The following COL16A1 variants were observed in gnomAD, a reference collection of about 807,000 sequenced individuals.
COL16A1 encodes collagen alpha-1(XVI) chain.
Under a neutral mutation model 266.3 loss-of-function variants are expected in COL16A1, and 189 were observed. The observed-to-expected ratio is 0.71, with a 90% CI of 0.63 to 0.80. The LOEUF (loss-of-function observed/expected upper bound fraction) is 0.80. Ranked by LOEUF, COL16A1 falls within the 30% of genes least tolerant of loss-of-function variation. The probability of loss-of-function intolerance (pLI) is 0.00; values close to 1 mark genes in which losing one functional copy is unlikely to be tolerated. For synonymous variants in COL16A1, 740 were observed against 782.3 expected (o/e 0.95, Z 0.90); for missense variants, 1,928 against 2,122.4 (o/e 0.91, Z 1.80).
intron 42 of COL16A1, among the ~76,000 whole-genome samples, chr1:31,675,748 C>A (rs1051177842): frequency 6.6e-6 from 1 of 152,106 alleles, no homozygotes; most frequent in Non-Finnish European, 1.5e-5. Flanking sequence ...ACTGTAGCCT[C>A]AAACTCAGCT....
At chr1:31,690,852 A>G (rs1644230732) in intron 20 of COL16A1, among the ~76,000 whole-genome samples, 1 of 152,212 alleles carries the variant, frequency 6.6e-6, no homozygotes. Context: ...TCACAGACAG[A>G]AATTTCCAGA....
At position 31,675,048 on chromosome 1, in the gene COL16A1, G is replaced by A; in HGVS notation, c.2827-9C>T. 1 of 1,613,348 alleles carries A rather than the reference G, an allele frequency of 6.2e-7. No individual in the cohort carries two copies. Among genetic ancestry groups the A allele is most frequent in the Middle Eastern group, 1.6e-4 (1 of 6,062 alleles). Reference sequence around the variant, plus strand: ...TCAATTGGTAAGGATCCCTGCAAGAGACAGATGTGTGGGCTCAAGCAGGTG... The same window carrying A: ...TCAATTGGTAAGGATCCCTGCAAGAAACAGATGTGTGGGCTCAAGCAGGTG... On this transcript the variant is annotated splice_polypyrimidine_tract_variant and intron_variant, in intron 43 of 70. Coordinates refer to ENST00000373672, the MANE Select transcript of COL16A1 (RefSeq NM_001856.4).
chr1:31,698,435 G>T lies in COL16A1; in HGVS notation c.390+48C>A. 2 of 1,611,116 alleles carry T rather than the reference G, an allele frequency of 1.2e-6. No individual in the cohort carries two copies. The highest frequency in any genetic ancestry group is 1.7e-6 in the Non-Finnish European group (2 of 1,178,338). On this transcript the variant is annotated intron_variant, in intron 5 of 70. Transcript: ENST00000373672. This position sits in a 1 kb window ranked among gnomAD's most constrained non-coding sequence, Gnocchi z 4.1. ...CCGGGATGAAAGGTGGGCTGGACTG[G>T]TGCTACCCAATGCCCTAAGAGGCAA... is the stretch of plus-strand genomic sequence containing the variant.
chr1:31,661,893 T>G, intron 58 of COL16A1, 189 bp from the exon 59 acceptor site: 1 of 656,394 alleles, frequency 1.5e-6, no homozygotes, highest in Admixed American at 3.1e-5. Flanking sequence ...GGCCTTAGCT[T>G]TCCTTCTTTG....
chr1:31,671,317 G>A (rs554684615), intron 48 of COL16A1, among the ~76,000 whole-genome samples: 60 of 152,332 alleles, frequency 3.9e-4, no homozygotes, highest in African/African-American at 1.4e-3. Flanking sequence ...TGCCGAGGGC[G>A]GCCTGGGGCC....
intron 64 of COL16A1, 36 bp downstream of exon 64, chr1:31,658,452 T>G (rs777970305): frequency 1.9e-6 from 3 of 1,538,688 alleles, no homozygotes; most frequent in African/African-American, 2.7e-5. Flanking sequence ...ATTGACTCTT[T>G]CCCCCTGGGC....
chr1:31,684,655 A>G (rs1643882797), intron 30 of COL16A1, 25 bp from the exon 31 acceptor site: 1 of 1,611,502 alleles, frequency 6.2e-7, no homozygotes, highest in South Asian at 1.1e-5. Context: ...GTTCAAGGAA[A>G]GCAAGGATGG....
chr1:31,666,016 C>T (rs193275667), intron 53 of COL16A1, 21 bp downstream of exon 53: 10 of 1,613,698 alleles, frequency 6.2e-6, no homozygotes, highest in Middle Eastern at 1.7e-4. Context: ...ACCACATCTC[C>T]CCATGCCCTC....
rs753545652 is a variant in COL16A1, at chr1:31,688,722, G to C, written c.1767+139C>G. 1.8e-6 allele frequency: 2 copies of C among 1,094,846 alleles called. No individual in the cohort carries two copies. Among genetic ancestry groups the C allele is most frequent in the Non-Finnish European group, 2.7e-6 (2 of 751,306 alleles). The allele number at this position is 1,094,846 out of a possible 1,614,324, so 67.8% of individuals were successfully genotyped here. A position where few individuals can be genotyped will look rare whatever the true frequency, so the allele number is the denominator to read the frequency against. ...AGCACAGGGACGGAGGGAGGGACCA[G>C]GAGACAGGCCTGGGACACCTGCCTC... On this transcript the variant is annotated intron_variant, in intron 25 of 70. Coordinates refer to ENST00000373672, the MANE Select transcript of COL16A1 (RefSeq NM_001856.4). The surrounding 1 kb of genome is among the most constrained non-coding windows in gnomAD (Gnocchi z 4.9).
At chr1:31,676,324 C>CAA (rs11449957) in intron 42 of COL16A1, among the ~76,000 whole-genome samples, 8 of 100,290 alleles carry the variant, frequency 8.0e-5, no homozygotes, top group East Asian at 3.7e-4. Flanking sequence ...GACTCCGTCT[C>CAA]AAAAAAAAAA....
chr1:31,673,907 G>C (rs1213306098), intron 44 of COL16A1, among the ~76,000 whole-genome samples: 1 of 152,228 alleles, frequency 6.6e-6, no homozygotes, highest in Non-Finnish European at 1.5e-5. Flanking sequence ...CCTCTGAAGA[G>C]CACTTGATGA....
chr1:31,681,170 T>A, intron 37 of COL16A1, 103 bp from the exon 38 acceptor site: 1 of 1,457,562 alleles, frequency 6.9e-7, no homozygotes, highest in Non-Finnish European at 9.1e-7. Flanking sequence ...CAGCGCCAGG[T>A]TCCCCTGGAG....
At position 31,657,168 on chromosome 1, in the gene COL16A1, C is replaced by T; in HGVS notation, c.4021-100G>A. 3 of 1,459,652 alleles carry T rather than the reference C, an allele frequency of 2.1e-6. No individual in the cohort carries two copies. The highest frequency in any genetic ancestry group is 2.9e-6 in the Non-Finnish European group (3 of 1,042,710). The allele number at this position is 1,459,652 out of a possible 1,614,324, so 90.4% of individuals were successfully genotyped here. On this transcript the variant is annotated intron_variant, in intron 64 of 70. Coordinates refer to ENST00000373672, the MANE Select transcript of COL16A1 (RefSeq NM_001856.4). This position sits in a 1 kb window ranked among gnomAD's most constrained non-coding sequence, Gnocchi z 6.4. ...GGGCAAGCCCAGCCCCCTGTTCCACCCAGAGGCCACGATCCTCCAGCCCTC... is the reference window on the plus strand; with the variant it reads ...GGGCAAGCCCAGCCCCCTGTTCCACTCAGAGGCCACGATCCTCCAGCCCTC...
intron 66 of COL16A1, 143 bp from the exon 67 acceptor site, chr1:31,655,645 C>G (rs1641071685): frequency 7.1e-7 from 1 of 1,417,862 alleles, no homozygotes; most frequent in African/African-American, 1.4e-5. Context: ...CTCCACCTCA[C>G]TGCCCCAGAG....
At chr1:31,674,313 G>C (rs565942189) in intron 44 of COL16A1, among the ~76,000 whole-genome samples, 1 of 152,306 alleles carries the variant, frequency 6.6e-6, no homozygotes, top group African/African-American at 2.4e-5. Flanking sequence ...GAACATAAGG[G>C]CCTCCTTCAA....
chr1:31,677,059 G>A (rs992531494), intron 42 of COL16A1, among the ~76,000 whole-genome samples: 3 of 151,326 alleles, frequency 2.0e-5, no homozygotes, highest in Non-Finnish European at 2.9e-5. Flanking sequence ...AAAATGCCTT[G>A]AACATGTCAA....
rs1369816734 is a variant in COL16A1, at chr1:31,652,926, CA to C, written c.4613-74del. 7.5e-7 allele frequency: 1 copy of C among 1,330,834 alleles called. No individual in the cohort carries two copies. Among genetic ancestry groups the C allele is most frequent in the African/African-American group, 1.5e-5 (1 of 67,022 alleles). 82.4% of individuals were successfully genotyped at this position (1,330,834 alleles called of 1,614,324 possible). A position where few individuals can be genotyped will look rare whatever the true frequency, so the allele number is the denominator to read the frequency against. On this transcript the variant is annotated intron_variant, in intron 70 of 70. Transcript: ENST00000373672. The surrounding 1 kb of genome is among the most constrained non-coding windows in gnomAD (Gnocchi z 4.8). Reference sequence around the variant, plus strand: ...AAGGGAAAAGAAGCCATAATGGCATCAAATAATACCTTACATTTGATGACTG... The same window carrying C: ...AAGGGAAAAGAAGCCATAATGGCATCAATAATACCTTACATTTGATGACTG...
intron 2 of COL16A1, chr1:31,701,588 G>C: frequency 1.0e-6 from 1 of 984,970 alleles, no homozygotes. Flanking sequence ...GTCTCATCCA[G>C]AGTCTGGGCC....
In COL16A1 at chr1:31,664,276, C is replaced by T. The variant is rs148617203; in HGVS notation, c.3555+896G>A. Among the ~76,000 whole-genome samples the T allele has an allele frequency of 1.3e-5, 2 of 152,312 alleles. No homozygotes were observed. The highest frequency in any genetic ancestry group is 4.8e-5 in the African/African-American group (2 of 41,580). ...GAGGTAGTGAGGTGCCCGGGTCCTC[C>T]TGGAGCTGGGAAGGAAGTCTCAGCT... is the stretch of plus-strand genomic sequence containing the variant. On this transcript the variant is annotated intron_variant, in intron 56 of 70. Transcript: ENST00000373672. This position sits in a 1 kb window ranked among gnomAD's most constrained non-coding sequence, Gnocchi z 5.5.
Sources: allele counts gnomAD v4.1 joint callset (sites outside exome capture counted in the v4.1 genomes callset), GRCh38; gene constraint gnomAD v4.1.1; non-coding constraint Gnocchi (gnomAD v3.1); transcripts MANE v1.5; gene names NCBI Gene and HGNC (gene_info 2026-07-23, HGNC 2026-07-21).